PRKG1: variants seen among roughly 807,000 people sequenced by gnomAD.
PRKG1 encodes cGMP-dependent protein kinase 1.
PRKG1 carries 35 observed loss-of-function variants against 88.1 expected under a neutral mutation model. The observed-to-expected ratio is 0.40, with a 90% CI of 0.30 to 0.53. The LOEUF (loss-of-function observed/expected upper bound fraction) is 0.53. PRKG1 is among the 20% of genes least tolerant of loss of function. The probability of loss-of-function intolerance (pLI) is 0.59; values close to 1 mark genes in which losing one functional copy is unlikely to be tolerated. For synonymous variants in PRKG1, 303 were observed against 292.5 expected, an observed-to-expected ratio of 1.04 and a Z score of -0.37; for missense variants, 540 against 839.8, an observed-to-expected ratio of 0.64 and a Z score of 4.41.
chr10:51,746,028 TA>T lies in PRKG1; in HGVS notation c.593-58554del, dbSNP rs1355614364. ...CTGTCTAGTTTTTTGTTTGCTTTTT[TA>T]AATAGAAACTAGGTCTTGCTTTGTT... On this transcript the variant is annotated intron_variant, in intron 3 of 17. Coordinates refer to ENST00000373980, the MANE Select transcript of PRKG1 (RefSeq NM_006258.4). 3.9e-5 allele frequency among the ~76,000 whole-genome samples: 6 copies of T among 152,240 alleles called. No individual in the cohort carries two copies. In the East Asian group the frequency reaches 1.2e-3, roughly 29 times the overall value.
chr10:52,061,222 G>C (rs1846227666), intron 6 of PRKG1, among the ~76,000 whole-genome samples: 1 of 151,922 alleles, frequency 6.6e-6, no homozygotes, highest in South Asian at 2.1e-4. Flanking sequence ...CTGTGTGGAG[G>C]AGTAATCAAA....
Position 52,212,281 on chromosome 10 carries a change from C to T in PRKG1, c.1077-39289C>T, listed in dbSNP as rs559801167. ...ATCGGCCACCAGTGATTGGCCTAAG[C>T]GCTCTGACTGATAGAAAAGTAGGTT... On this transcript the variant is annotated intron_variant, in intron 9 of 17. Coordinates refer to ENST00000373980, the MANE Select transcript of PRKG1 (RefSeq NM_006258.4). 3.4e-4 allele frequency among the ~76,000 whole-genome samples: 52 copies of T among 152,286 alleles called. 1 individual carries two copies. The highest frequency in any genetic ancestry group is 1.2e-3 in the African/African-American group (48 of 41,572).
At chr10:52,185,737 T>G (rs1292625372) in intron 9 of PRKG1, among the ~76,000 whole-genome samples, 1 of 152,230 alleles carries the variant, frequency 6.6e-6, no homozygotes, top group Non-Finnish European at 1.5e-5. Flanking sequence ...AAGCCTCTTT[T>G]ACTCTTGCAT....
intron 2 of PRKG1, among the ~76,000 whole-genome samples, chr10:51,411,018 G>A (rs1182863121): frequency 6.6e-6 from 1 of 150,446 alleles, no homozygotes; most frequent in African/African-American, 2.4e-5. Context: ...TTTTTGAGAT[G>A]GAATCTCTCT....
chr10:51,660,937 T>A (rs1478643728), intron 3 of PRKG1, among the ~76,000 whole-genome samples: 1 of 152,124 alleles, frequency 6.6e-6, no homozygotes, highest in Non-Finnish European at 1.5e-5. Context: ...CTATTTTTAT[T>A]TGGATTCAAG....
intron 4 of PRKG1, among the ~76,000 whole-genome samples, chr10:51,858,468 A>T (rs1479731984): frequency 1.6e-5 from 2 of 122,962 alleles, no homozygotes; most frequent in African/African-American, 6.0e-5. Flanking sequence ...AAAGTTCAGG[A>T]TTTTCTTACA....
chr10:52,221,667 A>G (rs1035024166), intron 9 of PRKG1, among the ~76,000 whole-genome samples: 1 of 152,206 alleles, frequency 6.6e-6, no homozygotes, highest in Non-Finnish European at 1.5e-5. Context: ...ATAAATGAGG[A>G]GCTATAACAT....
chr10:52,100,604 C>T (rs1254972592), intron 7 of PRKG1, among the ~76,000 whole-genome samples: 1 of 152,166 alleles, frequency 6.6e-6, no homozygotes, highest in African/African-American at 2.4e-5. Flanking sequence ...GACAACTATG[C>T]AAGTTTTCCT....
intron 3 of PRKG1, among the ~76,000 whole-genome samples, chr10:51,693,789 T>C (rs1841211220): frequency 6.6e-6 from 1 of 152,192 alleles, no homozygotes; most frequent in Non-Finnish European, 1.5e-5. Flanking sequence ...ACATGATAGT[T>C]AATATTTTAT....
At chr10:52,172,376 A>T (rs1332484525) in intron 9 of PRKG1, among the ~76,000 whole-genome samples, 3 of 152,222 alleles carry the variant, frequency 2.0e-5, no homozygotes, top group Non-Finnish European at 4.4e-5. Flanking sequence ...TGCTGTATTA[A>T]GTAATGACAA....
intron 3 of PRKG1, among the ~76,000 whole-genome samples, chr10:51,765,815 A>ATTTT (rs398046339): frequency 2.2e-5 from 3 of 134,612 alleles, no homozygotes; most frequent in Admixed American, 7.8e-5. Flanking sequence ...GCCTTACATG[A>ATTTT]TTTTTTTTTT....
At chr10:51,725,702 C>T (rs904101575) in intron 3 of PRKG1, among the ~76,000 whole-genome samples, 4 of 151,244 alleles carry the variant, frequency 2.6e-5, no homozygotes, top group South Asian at 2.1e-4. Context: ...GGCATGCTCT[C>T]GGCTCACTAC....
chr10:51,183,506 C>T (rs897317104), intron 2 of PRKG1, among the ~76,000 whole-genome samples: 3 of 151,906 alleles, frequency 2.0e-5, no homozygotes, highest in East Asian at 1.9e-4. Flanking sequence ...ATTTATTGCA[C>T]GTGGTCACAT....
At chr10:51,133,065 G>C (rs189965089) in intron 1 of PRKG1, among the ~76,000 whole-genome samples, 1 of 152,092 alleles carries the variant, frequency 6.6e-6, no homozygotes, top group Non-Finnish European at 1.5e-5. Context: ...GACATAGTTA[G>C]GTGGATGGTG....
At chr10:52,275,734 G>A (rs1375967507) in intron 12 of PRKG1, among the ~76,000 whole-genome samples, 4 of 151,988 alleles carry the variant, frequency 2.6e-5, no homozygotes, top group African/African-American at 9.7e-5. Flanking sequence ...GTGGTATTTT[G>A]ATAGGGATTG....
chr10:51,556,225 G>T (rs1347462796), intron 3 of PRKG1, among the ~76,000 whole-genome samples: 1 of 151,950 alleles, frequency 6.6e-6, no homozygotes, highest in Admixed American at 6.6e-5. Context: ...GTAGTAAACA[G>T]ATTATCATTC....
chr10:51,132,464 AT>A (rs1437848633), intron 1 of PRKG1, among the ~76,000 whole-genome samples: 1 of 152,104 alleles, frequency 6.6e-6, no homozygotes, highest in East Asian at 1.9e-4. Flanking sequence ...CATGTTACAA[AT>A]GTCATCATAA....
In PRKG1 at chr10:51,240,067, G is replaced by A. The variant is rs548117346; in HGVS notation, c.478+86737G>A. Among the ~76,000 whole-genome samples the A allele has an allele frequency of 5.3e-5, 8 of 152,214 alleles. No individual in the cohort carries two copies. In the South Asian group the frequency reaches 1.7e-3, roughly 32 times the overall value. On this transcript the variant is annotated intron_variant, in intron 2 of 17. Transcript: ENST00000373980. ...TCTCATCTGAGCAGGTATTAATTTA[G>A]GTGTGATCACAAACATTTCTAGTTA...
intron 3 of PRKG1, among the ~76,000 whole-genome samples, chr10:51,508,255 G>A (rs1841285494): frequency 6.6e-6 from 1 of 152,100 alleles, no homozygotes; most frequent in Non-Finnish European, 1.5e-5. Flanking sequence ...CACAAGAAGT[G>A]CAATTGCCAC....
Sources: gnomAD v4.1 joint callset for allele counts (sites outside exome capture counted in the v4.1 genomes callset) on GRCh38, gnomAD v4.1.1 for gene constraint, MANE v1.5 for transcripts, NCBI Gene and HGNC (gene_info 2026-07-23, HGNC 2026-07-21) for gene names.